Variants in CACNA1D observed in about 807,000 individuals in gnomAD.
CACNA1D encodes the protein voltage-dependent L-type calcium channel subunit alpha-1D.
CACNA1D carries 55 observed loss-of-function variants against 257.1 expected under a neutral mutation model. That is an observed-to-expected ratio of 0.21 (90% confidence interval 0.17 to 0.27). The LOEUF (loss-of-function observed/expected upper bound fraction) is 0.27. Ranked by LOEUF, CACNA1D falls within the 10% of genes least tolerant of loss-of-function variation. The pLI, the probability that CACNA1D is intolerant of heterozygous loss-of-function variation, is 1.00. For missense variants in CACNA1D, 1,876 were observed against 2,784.0 expected (o/e 0.67, Z 7.34); for synonymous variants, 980 against 1,014.9 (o/e 0.97, Z 0.65).
chr3:53,757,421 C>T (rs1435466891), intron 29 of CACNA1D, among the ~76,000 whole-genome samples: 1 of 152,202 alleles, frequency 6.6e-6, no homozygotes, highest in Non-Finnish European at 1.5e-5. Flanking sequence ...GCCAGAGCGT[C>T]AGTGGCCGCC....
chr3:53,638,601 A>G (rs2093913235), intron 3 of CACNA1D, among the ~76,000 whole-genome samples: 1 of 152,208 alleles, frequency 6.6e-6, no homozygotes, highest in African/African-American at 2.4e-5. Context: ...TGCACTTACC[A>G]ACAAACCTGG....
intron 3 of CACNA1D, among the ~76,000 whole-genome samples, chr3:53,556,725 A>AT (rs1034655170): frequency 1.4e-4 from 20 of 139,380 alleles, no homozygotes; most frequent in Admixed American, 2.1e-4. Context: ...TTTTTTTTTA[A>AT]TTTTTTTTTG....
intron 20 of CACNA1D, among the ~76,000 whole-genome samples, chr3:53,737,627 T>C (rs141709317): frequency 0.014 from 2,162 of 152,066 alleles, 60 homozygotes; most frequent in African/African-American, 0.048. Flanking sequence ...GTTCAAGACC[T>C]GCCTGGCCAA....
intron 3 of CACNA1D, among the ~76,000 whole-genome samples, chr3:53,527,358 C>G (rs11921961): frequency 0.03 from 4,544 of 152,244 alleles, 228 homozygotes; most frequent in African/African-American, 0.1. Flanking sequence ...AAATAAGAAG[C>G]CTTGAGTTCA....
chr3:53,530,520 G>A (rs1243120584), intron 3 of CACNA1D: 1 of 152,216 alleles, frequency 6.6e-6, no homozygotes, highest in Admixed American at 6.5e-5. Flanking sequence ...TTCTTTCCAA[G>A]AGTCGAAGGA....
intron 43 of CACNA1D, among the ~76,000 whole-genome samples, chr3:53,802,393 G>A (rs2095540726): frequency 6.6e-6 from 1 of 152,196 alleles, no homozygotes; most frequent in Non-Finnish European, 1.5e-5. Flanking sequence ...AAGGACTGGT[G>A]TCCACACACA....
chr3:53,521,464 TG>T (rs1559786131), intron 3 of CACNA1D, among the ~76,000 whole-genome samples: 1 of 152,190 alleles, frequency 6.6e-6, no homozygotes, highest in Non-Finnish European at 1.5e-5. Flanking sequence ...CCAACTCCCT[TG>T]TCGGAGTAAC....
intron 33 of CACNA1D, 29 bp downstream of exon 33, chr3:53,772,927 G>T (rs769744108): frequency 1.9e-6 from 3 of 1,588,152 alleles, no homozygotes; most frequent in African/African-American, 2.7e-5. Flanking sequence ...GCCCTCAGGG[G>T]CCCTTTCACT....
At position 53,775,963 on chromosome 3, in the gene CACNA1D, A is replaced by T; in HGVS notation, c.4280A>T (p.Tyr1427Phe). ...PGKLCDPESDYNPGEEYTCGS... is the reference protein window; with the variant it reads ...PGKLCDPESDFNPGEEYTCGS... ...AAGCTCTGTGACCCTGAGTCAGATT[A>T]CAACCCCGGGGAGGAGTATACATGT... The change falls in exon 35 of 48, where the codon TAC becomes TTC. Residue 1427 changes from tyrosine to phenylalanine, a missense_variant. Physicochemically the swap from Tyr to Phe is conservative, Grantham distance 22. Around this residue, in one of 10 missense-constraint regions of CACNA1D, gnomAD observed 83 missense variants for 210.7 expected, o/e 0.39. Coordinates refer to ENST00000350061, the MANE Select transcript of CACNA1D (RefSeq NM_001128840.3). 1.2e-6 allele frequency: 2 copies of T among 1,614,076 alleles called. No individual in the cohort carries two copies.
At chr3:53,782,274 A>ATATATATATATATATATATATC (rs2095430259) in intron 39 of CACNA1D, 1 of 139,502 alleles carries the variant, frequency 7.2e-6, no homozygotes, top group Admixed American at 7.2e-5. Context: ...GTATATATAT[A>ATATATATATATATATATATATC]TATATATATA....
rs1381752761 is a variant in CACNA1D, at chr3:53,510,107, CAAGT to C, written c.483+8390_483+8393del. Among the ~76,000 whole-genome samples the C allele has an allele frequency of 2.6e-5, 4 of 152,280 alleles. No homozygotes were observed. The East Asian group carries it at 5.8e-4, about 22-fold the overall frequency. On this transcript the variant is annotated intron_variant, in intron 3 of 47. Coordinates refer to ENST00000350061, the MANE Select transcript of CACNA1D (RefSeq NM_001128840.3). The stretch of plus-strand genomic sequence containing the variant: ...TATAAATCATCACTCAAAATTGACA[CAAGT>C]AATACATGAATACATTGTTTCAAAT...
Position 53,723,803 on chromosome 3 carries a change from C to G in CACNA1D, c.1904C>G (p.Ser635Cys). 6.2e-7 allele frequency: 1 copy of G among 1,613,942 alleles called. No individual in the cohort carries two copies. Among genetic ancestry groups the G allele is most frequent in the Non-Finnish European group, 8.5e-7 (1 of 1,179,790 alleles). Residue 635 changes from serine (S) to cysteine (C), a missense_variant, in exon 14 of 48, where the codon TCC becomes TGC. Transcript: ENST00000350061. The surrounding 1 kb of genome is among the most constrained non-coding windows in gnomAD (Gnocchi z 5.6). ...RIFKVTRHWT[S>C]LSNLVASLLN... ...ATCTTGACTTATAGGCACTGGACTT[C>G]CCTGAGCAACTTAGTGGCATCCTTA... is the stretch of plus-strand genomic sequence containing the variant.
intron 32 of CACNA1D, among the ~76,000 whole-genome samples, chr3:53,771,379 G>C (rs3774585): frequency 0.16 from 24,319 of 152,238 alleles, 2,991 homozygotes; most frequent in East Asian, 0.54. Context: ...GGTATATAAA[G>C]AGAAATTTCA....
chr3:53,716,076 G>A (rs547130917), intron 9 of CACNA1D, among the ~76,000 whole-genome samples: 2 of 152,334 alleles, frequency 1.3e-5, no homozygotes, highest in South Asian at 4.1e-4. Context: ...AGATTAAAAA[G>A]CCACAAAGAC....
intron 3 of CACNA1D, among the ~76,000 whole-genome samples, chr3:53,628,340 A>G (rs1215236468): frequency 6.6e-6 from 1 of 152,112 alleles, no homozygotes; most frequent in East Asian, 1.9e-4. Context: ...GGCCATTGTA[A>G]GCTCCCCATC....
At chr3:53,807,362 T>G (rs1255222771) in intron 45 of CACNA1D, 3 of 152,356 alleles carry the variant, frequency 2.0e-5, no homozygotes, top group Admixed American at 1.3e-4. Context: ...GGCCCCACAG[T>G]GCGCACTGGG....
At chr3:53,557,203 C>G (rs1340191732) in intron 3 of CACNA1D, among the ~76,000 whole-genome samples, 1 of 152,048 alleles carries the variant, frequency 6.6e-6, no homozygotes, top group Non-Finnish European at 1.5e-5. Flanking sequence ...ACATTAAGAT[C>G]TGTGGTCTAT....
chr3:53,773,658 GCTTTTTT>G lies in CACNA1D; in HGVS notation c.4110+775_4110+781del, dbSNP rs1357694687. On this transcript the variant is annotated intron_variant, in intron 33 of 47. Transcript: ENST00000350061. ...ATTTTTGGGGCAGAGAAATGGTAGT[GCTTTTTT>G]CTTTTTTCTTTTTTTTTTTTAAAAT... is the stretch of plus-strand genomic sequence containing the variant. The G allele has an allele frequency of 9.4e-5, 13 of 138,548 alleles. No homozygotes were observed. In the East Asian group the frequency reaches 2.3e-3, roughly 25 times the overall value. The allele number at this position is 138,548 out of a possible 1,614,324, so 8.6% of individuals were successfully genotyped here. A position where few individuals can be genotyped will look rare whatever the true frequency, so the allele number is the denominator to read the frequency against.
chr3:53,772,917 G>A lies in CACNA1D; in HGVS notation c.4110+19G>A, dbSNP rs375161264. 13 of 1,600,548 alleles carry A rather than the reference G, an allele frequency of 8.1e-6. No homozygotes were observed. In the South Asian group the frequency reaches 8.8e-5, roughly 11 times the overall value. ...CATGCAGGTAAGCTCCAGCCATCTC[G>A]CCCTCAGGGGCCCTTTCACTGGGTA... On this transcript the variant is annotated intron_variant, in intron 33 of 47. Transcript: ENST00000350061.
Sources: gnomAD v4.1 joint callset for allele counts (sites outside exome capture counted in the v4.1 genomes callset) on GRCh38, gnomAD v4.1.1 for gene constraint, gnomAD v4.1.1 regional missense constraint, Gnocchi (gnomAD v3.1) non-coding constraint, MANE v1.5 for transcripts, NCBI Gene and HGNC (gene_info 2026-07-23, HGNC 2026-07-21) for gene names.